Variants in NT5E observed in about 807,000 individuals in gnomAD.
NT5E encodes 5'-nucleotidase ecto.
NT5E carries 53 observed loss-of-function variants against 55.1 expected under a neutral mutation model. The observed-to-expected ratio is 0.96, with a 90% CI of 0.77 to 1.21. The LOEUF is 1.21. Among genes scored for constraint, NT5E ranks in the 50% most tolerant of loss-of-function variants. The pLI is 0.00. For synonymous variants in NT5E, 270 were observed against 278.4 expected (o/e 0.97, Z 0.30); for missense variants, 683 against 724.3 (o/e 0.94, Z 0.65).
intron 1 of NT5E, among the ~76,000 whole-genome samples, chr6:85,452,060 C>T (rs1768870959): frequency 6.6e-6 from 1 of 152,218 alleles, no homozygotes; most frequent in Non-Finnish European, 1.5e-5. Flanking sequence ...TCGTGGGTTT[C>T]AAGAACTCTG....
In NT5E at chr6:85,450,083, A is replaced by C. The variant is rs559080543; in HGVS notation, c.-57A>C. ...GCCCCGGCCCTAGCTGCTCGCCCCTACTCGCCGGCACTCGCCCGGCTCGCC... is the reference window on the plus strand; with the variant it reads ...GCCCCGGCCCTAGCTGCTCGCCCCTCCTCGCCGGCACTCGCCCGGCTCGCC... On this transcript the variant is annotated 5_prime_UTR_variant, in exon 1 of 9. Transcript: ENST00000257770. This position sits in a 1 kb window ranked among gnomAD's most constrained non-coding sequence, Gnocchi z 4.0. 7 of 1,414,552 alleles carry C rather than the reference A, an allele frequency of 4.9e-6. No homozygotes were observed. In the Admixed American group the frequency reaches 6.0e-5, roughly 12 times the overall value. The allele number at this position is 1,414,552 out of a possible 1,614,324, so 87.6% of individuals were successfully genotyped here. A position where few individuals can be genotyped will look rare whatever the true frequency, so the allele number is the denominator to read the frequency against.
intron 3 of NT5E, among the ~76,000 whole-genome samples, chr6:85,479,721 C>T (rs991497809): frequency 4.6e-5 from 7 of 152,276 alleles, no homozygotes; most frequent in African/African-American, 1.4e-4. Context: ...TGGAACTACA[C>T]GGGCATGCCA....
At chr6:85,489,283 G>T (rs1769733818) in intron 5 of NT5E, among the ~76,000 whole-genome samples, 2 of 152,130 alleles carry the variant, frequency 1.3e-5, no homozygotes, top group Admixed American at 1.3e-4. Flanking sequence ...GTTTTAGGAG[G>T]GGGAAATAAG....
At chr6:85,488,746 A>T (rs955917984) in intron 5 of NT5E, among the ~76,000 whole-genome samples, 2 of 151,802 alleles carry the variant, frequency 1.3e-5, no homozygotes, top group Non-Finnish European at 2.9e-5. Context: ...ACACCCAGCT[A>T]ATTTTTGTAT....
At chr6:85,491,940 T>A (rs1396156039) in intron 7 of NT5E, 37 bp from the exon 8 acceptor site, 1 of 1,591,912 alleles carries the variant, frequency 6.3e-7, no homozygotes, top group African/African-American at 1.3e-5. Flanking sequence ...GAAATCTCCC[T>A]TTGGATCTGG....
intron 2 of NT5E, among the ~76,000 whole-genome samples, chr6:85,468,656 T>C (rs560825240): frequency 4.4e-4 from 67 of 152,216 alleles, no homozygotes; most frequent in African/African-American, 1.4e-3. Context: ...TCCTGGAGCA[T>C]GGGTTCTGAC....
chr6:85,467,314 G>A, intron 2 of NT5E, 32 bp downstream of exon 2: 1 of 1,537,910 alleles, frequency 6.5e-7, no homozygotes, highest in East Asian at 2.3e-5. Flanking sequence ...CTCAATGCTT[G>A]AAAATAGATG....
At chr6:85,476,311 A>G (rs1229725359) in intron 3 of NT5E, among the ~76,000 whole-genome samples, 2 of 152,038 alleles carry the variant, frequency 1.3e-5, no homozygotes, top group Non-Finnish European at 2.9e-5. Context: ...AGTTCCCTTG[A>G]CCCCTTCGTG....
rs575583554 is a variant in NT5E, at chr6:85,466,288, C to G, written c.340-772C>G. Reference sequence around the variant, plus strand: ...GGGAGAGAGATAAGAAGGTGGGAAACAAGGATTGCTTGTCACCATCCCTGC... The same window carrying G: ...GGGAGAGAGATAAGAAGGTGGGAAAGAAGGATTGCTTGTCACCATCCCTGC... On this transcript the variant is annotated intron_variant, in intron 1 of 8. Coordinates refer to ENST00000257770, the MANE Select transcript of NT5E (RefSeq NM_002526.4). Among the ~76,000 whole-genome samples the G allele has an allele frequency of 3.9e-5, 6 of 152,280 alleles. No homozygotes were observed. The South Asian group carries it at 1.2e-3, about 32-fold the overall frequency.
At chr6:85,480,687 G>A (rs1769529740) in intron 3 of NT5E, among the ~76,000 whole-genome samples, 1 of 152,314 alleles carries the variant, frequency 6.6e-6, no homozygotes, top group African/African-American at 2.4e-5. Context: ...CTACCAGGGT[G>A]CAGCCTGAGG....
chr6:85,451,620 GAAGAACTGAGA>G (rs2127753150), intron 1 of NT5E, among the ~76,000 whole-genome samples: 1 of 152,312 alleles, frequency 6.6e-6, no homozygotes, highest in East Asian at 1.9e-4. Context: ...TTTGGAAGAG[GAAGAACTGAGA>G]AATCTCCAGA....
chr6:85,476,422 G>A (rs1415865575), intron 3 of NT5E, among the ~76,000 whole-genome samples: 1 of 152,214 alleles, frequency 6.6e-6, no homozygotes, highest in Non-Finnish European at 1.5e-5. Context: ...TGGGACAAGT[G>A]CTTCTGGGTG....
At chr6:85,468,728 T>A (rs1393717609) in intron 2 of NT5E, among the ~76,000 whole-genome samples, 1 of 151,954 alleles carries the variant, frequency 6.6e-6, no homozygotes, top group Non-Finnish European at 1.5e-5. Context: ...CAGGTGTGAT[T>A]TGGAGGAAAG....
At chr6:85,478,309 G>A (rs1249229380) in intron 3 of NT5E, among the ~76,000 whole-genome samples, 1 of 152,166 alleles carries the variant, frequency 6.6e-6, no homozygotes, top group Non-Finnish European at 1.5e-5. Context: ...ACTACAGAAC[G>A]AATGGCAGTC....
Position 85,465,662 on chromosome 6 carries a change from T to A in NT5E, c.340-1398T>A, listed in dbSNP as rs139001045. On this transcript the variant is annotated intron_variant, in intron 1 of 8. Coordinates refer to ENST00000257770, the MANE Select transcript of NT5E (RefSeq NM_002526.4). Reference sequence around the variant, plus strand: ...TTGTGCTTTCTCTGCACAAACACATTCACATGAGGATGTATACACAACCCT... The same window carrying A: ...TTGTGCTTTCTCTGCACAAACACATACACATGAGGATGTATACACAACCCT... Among the ~76,000 whole-genome samples, 6 of 152,288 alleles carry A rather than the reference T, an allele frequency of 3.9e-5. No individual in the cohort carries two copies. In the East Asian group the frequency reaches 1.2e-3, roughly 29 times the overall value.
chr6:85,456,623 G>A (rs1037851082), intron 1 of NT5E, among the ~76,000 whole-genome samples: 1 of 152,170 alleles, frequency 6.6e-6, no homozygotes. Flanking sequence ...CACGGTTTTG[G>A]AAGATGAGCA....
In NT5E at chr6:85,493,898, C is replaced by G. The variant is rs1461471672; in HGVS notation, c.1619C>G (p.Pro540Arg). 1 of 1,613,956 alleles carries G rather than the reference C, an allele frequency of 6.2e-7. No individual in the cohort carries two copies. The highest frequency in any genetic ancestry group is 1.1e-5 in the South Asian group (1 of 91,064). Residue 540 changes from proline to arginine, a missense_variant, in exon 9 of 9, where the codon CCA becomes CGA. Transcript: ENST00000257770. The part of the protein sequence containing the change: ...TYISKMKVIY[P>R]AVEGRIKFST... ...ATCTCCAAAATGAAAGTAATTTATCCAGCAGTTGAAGGTCGGATCAAGTTT... is the reference window on the plus strand; with the variant it reads ...ATCTCCAAAATGAAAGTAATTTATCGAGCAGTTGAAGGTCGGATCAAGTTT...
At chr6:85,454,005 T>C (rs78076332) in intron 1 of NT5E, among the ~76,000 whole-genome samples, 1,850 of 152,340 alleles carry the variant, frequency 0.012, 32 homozygotes, top group African/African-American at 0.042. Flanking sequence ...CCTGAACTTA[T>C]TGTTTTTATG....
intron 1 of NT5E, among the ~76,000 whole-genome samples, chr6:85,461,529 T>G (rs1002352457): frequency 6.6e-6 from 1 of 152,196 alleles, no homozygotes; most frequent in African/African-American, 2.4e-5. Context: ...CTTTCTTAAC[T>G]GGGAAATGGG....
Sources: gnomAD v4.1 joint callset for allele counts (sites outside exome capture counted in the v4.1 genomes callset) on GRCh38, gnomAD v4.1.1 for gene constraint, Gnocchi (gnomAD v3.1) non-coding constraint, MANE v1.5 for transcripts, NCBI Gene and HGNC (gene_info 2026-07-23, HGNC 2026-07-21) for gene names.